EPB41: variants seen among roughly 807,000 people sequenced by gnomAD.
EPB41 encodes protein 4.1.
EPB41 carries 65 observed loss-of-function variants against 108.0 expected under a neutral mutation model. The observed-to-expected ratio is 0.60, with a 90% confidence interval of 0.49 to 0.74. EPB41 has a LOEUF of 0.74. Among genes scored for constraint, EPB41 ranks in the 30% least tolerant of loss-of-function variants. The pLI, the probability that EPB41 is intolerant of heterozygous loss-of-function variation, is 0.00. For synonymous variants in EPB41, 336 were observed against 358.9 expected (o/e 0.94, Z 0.72); for missense variants, 875 against 1,037.0 (o/e 0.84, Z 2.15).
chr1:29,100,748 T>G (rs2151534999), intron 17 of EPB41, among the ~76,000 whole-genome samples: 1 of 147,014 alleles, frequency 6.8e-6, no homozygotes, highest in African/African-American at 2.5e-5. Context: ...AATATATAAT[T>G]ACACATTAAA....
intron 18 of EPB41, among the ~76,000 whole-genome samples, chr1:29,111,889 A>G (rs1485486037): frequency 5.3e-5 from 8 of 150,786 alleles, no homozygotes; most frequent in Non-Finnish European, 1.0e-4. Flanking sequence ...AGGCAGGAGA[A>G]TTGCTTGAAC....
At chr1:29,060,517 T>C in intron 15 of EPB41, 33 bp downstream of exon 15, 3 of 1,586,474 alleles carry the variant, frequency 1.9e-6, no homozygotes, top group Non-Finnish European at 2.6e-6. Flanking sequence ...TTTCAGTTGG[T>C]TGCCTGGAAC....
intron 3 of EPB41, among the ~76,000 whole-genome samples, chr1:28,994,633 TTTTATTTATTTATTTA>T (rs71586878): frequency 1.5e-3 from 204 of 139,846 alleles, no homozygotes; most frequent in Non-Finnish European, 2.4e-3. Context: ...GAACAAACTA[TTTTATTTATTTATTTA>T]TTTATTTATT....
At chr1:29,021,443 G>C (rs2096643714) in intron 7 of EPB41, among the ~76,000 whole-genome samples, 1 of 152,102 alleles carries the variant, frequency 6.6e-6, no homozygotes, top group Non-Finnish European at 1.5e-5. Flanking sequence ...ATTAAGTCTT[G>C]AATACATTTC....
chr1:28,968,326 G>T, intron 1 of EPB41, among the ~76,000 whole-genome samples: 1 of 152,042 alleles, frequency 6.6e-6, no homozygotes, highest in South Asian at 2.1e-4. Context: ...CTGCACTCCA[G>T]CCTAGCGATA....
rs574023450 is a variant in EPB41, at chr1:29,054,805, A to G, written c.1845+1493A>G. ...GTTGAAGAGGCTTCAGTGCACCGAG[A>G]TCGCCCACTGCACTTCAGCCTGGGT... On this transcript the variant is annotated intron_variant, in intron 12 of 20. Coordinates refer to ENST00000343067, the MANE Select transcript of EPB41 (RefSeq NM_001376013.1). Among the ~76,000 whole-genome samples the G allele has an allele frequency of 2.0e-5, 3 of 152,222 alleles. No individual in the cohort carries two copies. In the East Asian group the frequency reaches 5.8e-4, roughly 29 times the overall value.
chr1:29,109,689 A>G (rs766674875), intron 18 of EPB41: 4 of 515,020 alleles, frequency 7.8e-6, no homozygotes, highest in South Asian at 6.1e-5. Flanking sequence ...CTCTTTACAC[A>G]TCTGTCTCTC....
At chr1:28,901,294 G>A (rs1202673109) in intron 1 of EPB41, among the ~76,000 whole-genome samples, 4 of 142,088 alleles carry the variant, frequency 2.8e-5, no homozygotes, top group African/African-American at 5.1e-5. Context: ...GCATGATCTC[G>A]GCTCACTACA....
At chr1:29,048,570 C>T (rs570775557) in intron 11 of EPB41, among the ~76,000 whole-genome samples, 1 of 152,278 alleles carries the variant, frequency 6.6e-6, no homozygotes, top group African/African-American at 2.4e-5. Flanking sequence ...ACTAGATACT[C>T]ATTAATGTTC....
intron 16 of EPB41, among the ~76,000 whole-genome samples, chr1:29,066,991 T>TA (rs1458250131): frequency 6.6e-6 from 1 of 151,754 alleles, no homozygotes; most frequent in African/African-American, 2.4e-5. Context: ...TTTTTTTTTT[T>TA]AAATTTTCAG....
chr1:29,109,210 A>C, intron 17 of EPB41, 126 bp from the exon 18 acceptor site: 1 of 751,262 alleles, frequency 1.3e-6, no homozygotes, highest in Admixed American at 2.2e-5. Flanking sequence ...AAAAAAAAAA[A>C]AGAGGTCATT....
rs62666661 is a variant in EPB41 at position 29,114,636 on chromosome 1, T to TA, written c.2497-1039dup. ...CCAGCCTGGGCAGTGAGACTCCGTC[T>TA]AAAAAAAAAAAAAAAAAAAAAAAAG... On this transcript the variant is annotated intron_variant, in intron 19 of 20. Transcript: ENST00000343067. 2.8e-3 allele frequency among the ~76,000 whole-genome samples: 217 copies of TA among 77,644 alleles called. 2 individuals carry two copies. The highest frequency in any genetic ancestry group is 7.2e-3 in the Middle Eastern group (1 of 138). 50.9% of individuals were successfully genotyped at this position (77,644 alleles called of 152,430 possible). A position where few individuals can be genotyped will look rare whatever the true frequency, so the allele number is the denominator to read the frequency against.
At chr1:29,102,537 T>A (rs1255424331) in intron 17 of EPB41, among the ~76,000 whole-genome samples, 2 of 152,124 alleles carry the variant, frequency 1.3e-5, no homozygotes, top group African/African-American at 4.8e-5. Context: ...GTAAAACATT[T>A]TGAAGTATTA....
At chr1:29,045,746 G>C (rs1406390837) in intron 11 of EPB41, among the ~76,000 whole-genome samples, 1 of 146,770 alleles carries the variant, frequency 6.8e-6, no homozygotes, top group Non-Finnish European at 1.5e-5. Flanking sequence ...GCCAAGGTGG[G>C]AGGATCGCTT....
intron 16 of EPB41, 135 bp from the exon 17 acceptor site, chr1:29,097,672 A>C: frequency 9.6e-7 from 1 of 1,044,644 alleles, no homozygotes; most frequent in South Asian, 1.3e-5. Context: ...AGTCTTAGGC[A>C]GGGTAAACAC....
intron 1 of EPB41, among the ~76,000 whole-genome samples, chr1:28,930,460 A>G (rs554806093): frequency 1.3e-4 from 19 of 148,908 alleles, no homozygotes; most frequent in African/African-American, 4.7e-4. Context: ...GAACCACTAC[A>G]TCTGGCCCTG....
intron 1 of EPB41, among the ~76,000 whole-genome samples, chr1:28,944,888 A>C (rs1188143732): frequency 6.6e-6 from 1 of 151,560 alleles, no homozygotes; most frequent in African/African-American, 2.4e-5. Context: ...CAGGAGTTTG[A>C]GACCAGCCTG....
rs1048987002 is a variant in EPB41 at position 28,967,977 on chromosome 1, G to A, written c.-7-19454G>A. ...GCACCGCCACGCCTGGCAAATTTTT[G>A]TATTTTTAGTAGAGACAGGTTTTTA... On this transcript the variant is annotated intron_variant, in intron 1 of 20. Coordinates refer to ENST00000343067, the MANE Select transcript of EPB41 (RefSeq NM_001376013.1). Among the ~76,000 whole-genome samples the A allele has an allele frequency of 7.9e-5, 12 of 151,946 alleles. 1 individual carries two copies. Among genetic ancestry groups the A allele is most frequent in the Admixed American group, 7.2e-4 (11 of 15,266 alleles).
chr1:29,067,033 A>G (rs891146611), intron 16 of EPB41, among the ~76,000 whole-genome samples: 3 of 150,936 alleles, frequency 2.0e-5, no homozygotes, highest in African/African-American at 7.3e-5. Flanking sequence ...ATTATTATTT[A>G]GTTTCTGGAA....
Sources: gnomAD v4.1 joint callset for allele counts (sites outside exome capture counted in the v4.1 genomes callset) on GRCh38, gnomAD v4.1.1 for gene constraint, MANE v1.5 for transcripts, NCBI Gene and HGNC (gene_info 2026-07-23, HGNC 2026-07-21) for gene names.